Variants in CDKL3 observed in about 807,000 individuals in gnomAD.
CDKL3 encodes cyclin dependent kinase like 3, also known as cyclin-dependent kinase-like 3.
A neutral mutation model predicts 69.3 loss-of-function variants in CDKL3; 65 were observed. That is an observed-to-expected ratio of 0.94 (90% CI 0.77 to 1.15). The LOEUF (loss-of-function observed/expected upper bound fraction) is 1.15. Ranked by LOEUF, CDKL3 falls within the 50% of genes most tolerant of loss-of-function variation. The probability of loss-of-function intolerance (pLI) is 0.00; values close to 1 mark genes in which losing one functional copy is unlikely to be tolerated. For synonymous variants in CDKL3, 202 were observed against 221.6 expected, an observed-to-expected ratio of 0.91 and a Z score of 0.79; for missense variants, 652 against 689.2, an observed-to-expected ratio of 0.95 and a Z score of 0.61.
At chr5:134,330,468 A>C (rs1775507259) in intron 4 of CDKL3, among the ~76,000 whole-genome samples, 4 of 152,214 alleles carry the variant, frequency 2.6e-5, no homozygotes, top group Admixed American at 2.6e-4. Flanking sequence ...TAATCTCAAC[A>C]CTTTGGTAGA....
At chr5:134,331,021 G>A (rs538957342) in intron 4 of CDKL3, among the ~76,000 whole-genome samples, 1 of 152,294 alleles carries the variant, frequency 6.6e-6, no homozygotes, top group East Asian at 1.9e-4. Flanking sequence ...TCCATTGAAA[G>A]TTCTGCTCTC....
intron 4 of CDKL3, among the ~76,000 whole-genome samples, chr5:134,349,118 A>G (rs1414200124): frequency 6.6e-6 from 1 of 152,214 alleles, no homozygotes; most frequent in Non-Finnish European, 1.5e-5. Context: ...TAATAGTAGC[A>G]ACTTCATCAT....
rs562449583 is a variant in CDKL3 at position 134,323,100 on chromosome 5, A to G, written c.540-1197T>C. Among the ~76,000 whole-genome samples the G allele has an allele frequency of 4.8e-4, 73 of 152,318 alleles. 1 individual carries two copies. The South Asian group carries it at 0.012, about 24-fold the overall frequency. On this transcript the variant is annotated intron_variant, in intron 4 of 12. Coordinates refer to ENST00000265334, the MANE Select transcript of CDKL3 (RefSeq NM_001113575.2). ...TGAAAGAAATAAAAGATCTAAATAAATGGAGAGATACTCCATGTTCATCAA... is the reference window on the plus strand; with the variant it reads ...TGAAAGAAATAAAAGATCTAAATAAGTGGAGAGATACTCCATGTTCATCAA...
At chr5:134,356,677 A>G (rs1754688237) in intron 3 of CDKL3, among the ~76,000 whole-genome samples, 2 of 152,096 alleles carry the variant, frequency 1.3e-5, no homozygotes, top group Admixed American at 1.3e-4. Flanking sequence ...CCAGCTACTC[A>G]GGAGGCTGAG....
At chr5:134,364,526 T>C (rs59166372) in intron 2 of CDKL3, among the ~76,000 whole-genome samples, 3 of 152,058 alleles carry the variant, frequency 2.0e-5, no homozygotes, top group Non-Finnish European at 4.4e-5. Flanking sequence ...TGTCTTTTTT[T>C]TTTTAGACAA....
chr5:134,312,196 G>A, intron 7 of CDKL3, 96 bp downstream of exon 7: 1 of 705,876 alleles, frequency 1.4e-6, no homozygotes, highest in Non-Finnish European at 2.4e-6. Context: ...CTGAATATTT[G>A]TTATATAAAA....
intron 12 of CDKL3, chr5:134,299,470 C>T (rs1765786875): frequency 8.3e-7 from 1 of 1,198,226 alleles, no homozygotes; most frequent in African/African-American, 1.6e-5. Context: ...ATGTACCAGT[C>T]AGGTAGTTTT....
intron 6 of CDKL3, among the ~76,000 whole-genome samples, chr5:134,317,718 G>C (rs1771545774): frequency 6.6e-6 from 1 of 152,068 alleles, no homozygotes; most frequent in Non-Finnish European, 1.5e-5. Context: ...TTTGTGCCCA[G>C]GAGTTTGAGA....
rs189513397 is a variant in CDKL3, at chr5:134,291,182, C to T, written c.*678-4623G>A. The stretch of plus-strand genomic sequence containing the variant: ...ATATGGAGTGAGGAAGAGATCAGGA[C>T]TTTAATTTTGGATATGTTAAGTTTG... On this transcript the variant is annotated intron_variant and NMD_transcript_variant, in intron 8 of 8. Transcript: ENST00000519312. Among the ~76,000 whole-genome samples the T allele has an allele frequency of 6.6e-5, 10 of 152,154 alleles. No homozygotes were observed. In the East Asian group the frequency reaches 1.9e-3, roughly 29 times the overall value.
intron 4 of CDKL3, among the ~76,000 whole-genome samples, chr5:134,333,194 A>C (rs760548223): frequency 6.6e-6 from 1 of 152,226 alleles, no homozygotes; most frequent in African/African-American, 2.4e-5. Flanking sequence ...GAAGTTGCTT[A>C]TCAGCTTAAG....
chr5:134,283,755 C>T (rs938971079), downstream of CDKL3, among the ~76,000 whole-genome samples: 1 of 152,080 alleles, frequency 6.6e-6, no homozygotes, highest in Middle Eastern at 3.2e-3. Context: ...CAAAAGTCTA[C>T]TCAAAAGTCC....
At chr5:134,345,013 C>T (rs779211262) in intron 4 of CDKL3, among the ~76,000 whole-genome samples, 3 of 151,958 alleles carry the variant, frequency 2.0e-5, no homozygotes, top group Admixed American at 6.6e-5. Flanking sequence ...TGCAGTGAGC[C>T]GAGATCACGC....
chr5:134,319,513 A>C lies in CDKL3; in HGVS notation c.653-16T>G. ...GACAAATTGCCTGAAAAGAGAAAAAAATGTATATTTAAAAAACAGAGAAAT... is the reference window on the plus strand; with the variant it reads ...GACAAATTGCCTGAAAAGAGAAAAACATGTATATTTAAAAAACAGAGAAAT... On this transcript the variant is annotated splice_polypyrimidine_tract_variant and intron_variant, in intron 5 of 12. Transcript: ENST00000265334. 1 of 1,512,094 alleles carries C rather than the reference A, an allele frequency of 6.6e-7. No homozygotes were observed. Among genetic ancestry groups the C allele is most frequent in the Middle Eastern group, 1.7e-4 (1 of 5,878 alleles). The allele number at this position is 1,512,094 out of a possible 1,614,324, so 93.7% of individuals were successfully genotyped here. A position where few individuals can be genotyped will look rare whatever the true frequency, so the allele number is the denominator to read the frequency against.
chr5:134,365,605 A>G (rs1055347998), intron 2 of CDKL3, among the ~76,000 whole-genome samples: 2 of 152,118 alleles, frequency 1.3e-5, no homozygotes, highest in African/African-American at 4.8e-5. Context: ...TAAAATTTAC[A>G]TTTCTTTACA....
At chr5:134,369,211 A>G (rs1267227985), upstream of CDKL3, among the ~76,000 whole-genome samples, 1 of 152,218 alleles carries the variant, frequency 6.6e-6, no homozygotes, top group Non-Finnish European at 1.5e-5. Context: ...TTGCTAATAC[A>G]CAGCTGTAAG....
At chr5:134,306,119 CTTAA>C (rs1054908788) in intron 10 of CDKL3, among the ~76,000 whole-genome samples, 74 of 152,058 alleles carry the variant, frequency 4.9e-4, no homozygotes, top group African/African-American at 1.5e-3. Flanking sequence ...GATATATGAA[CTTAA>C]TTAATTGTGA....
intron 6 of CDKL3, 34 bp from the exon 7 acceptor site, chr5:134,312,414 C>A: frequency 9.0e-7 from 1 of 1,115,846 alleles, no homozygotes; most frequent in South Asian, 1.4e-5. Context: ...TAAGTGAGCT[C>A]TCAACAGGGC....
At chr5:134,335,236 C>T (rs1026615738) in intron 4 of CDKL3, among the ~76,000 whole-genome samples, 2 of 151,496 alleles carry the variant, frequency 1.3e-5, no homozygotes, top group African/African-American at 4.9e-5. Flanking sequence ...GAGATGGGTC[C>T]CCTGAATACA....
chr5:134,355,403 A>C (rs1323056412), intron 3 of CDKL3, among the ~76,000 whole-genome samples: 1 of 152,206 alleles, frequency 6.6e-6, no homozygotes, highest in Non-Finnish European at 1.5e-5. Flanking sequence ...ATCCCTGGGG[A>C]AAATTCCACT....
Sources: gnomAD v4.1 joint callset for allele counts (sites outside exome capture counted in the v4.1 genomes callset) on GRCh38, gnomAD v4.1.1 for gene constraint, MANE v1.5 for transcripts, NCBI Gene and HGNC (gene_info 2026-07-23, HGNC 2026-07-21) for gene names.